Variants in NBPF20 observed in about 807,000 individuals in gnomAD.
The protein encoded by NBPF20 is NBPF member 20, also known as NBPF family member NBPF20.
Under a neutral mutation model 68.1 loss-of-function variants are expected in NBPF20, and 90 were observed. The observed-to-expected ratio is 1.32, with a 90% CI of 1.11 to 1.58. The LOEUF is 1.58. Ranked by LOEUF, NBPF20 falls within the 40% of genes most tolerant of loss-of-function variation. NBPF20 has a pLI of 0.00. For missense variants in NBPF20, 816 were observed against 601.2 expected (o/e 1.36, Z -3.74); for synonymous variants, 290 against 228.1 (o/e 1.27, Z -2.45).
chr1:145,413,170 C>A, the NBPF20 span, among the ~76,000 whole-genome samples: 1 of 151,984 alleles, frequency 6.6e-6, no homozygotes, highest in African/African-American at 2.4e-5. Flanking sequence ...TATAGAGAAG[C>A]CTCTTTGGAA....
the NBPF20 span, among the ~76,000 whole-genome samples, chr1:145,411,423 G>C: frequency 1.7e-4 from 15 of 86,462 alleles, no homozygotes; most frequent in Middle Eastern, 0.01. Flanking sequence ...ACAGAGTCTT[G>C]CTCTGTTACC....
intron 5 of NBPF20, among the ~76,000 whole-genome samples, 174 bp from the exon 11 acceptor site, chr1:145,400,768 C>T (rs1475782129): frequency 1.3e-5 from 2 of 152,124 alleles, no homozygotes; most frequent in Non-Finnish European, 2.9e-5. Context: ...CAGAGCATGG[C>T]TGCCATGGGA....
chr1:145,402,996 GT>G (rs1241115338), intron 3 of NBPF20, among the ~76,000 whole-genome samples: 2 of 151,768 alleles, frequency 1.3e-5, no homozygotes, highest in East Asian at 3.9e-4. Context: ...ACAATTACTT[GT>G]TTGAAAAAGA....
rs782383854 is a variant in NBPF20 at position 145,291,638 on chromosome 1, G to C, written c.16829C>G (p.Ser5610Ter). 3.2e-5 allele frequency: 52 copies of C among 1,611,856 alleles called. 1 individual carries two copies. In the Admixed American group the frequency reaches 6.3e-4, roughly 20 times the overall value. ...GAAGCTGATGTGCTGTTCCTCAAAT[G>C]AGTAAAACACACTTCTGTAGTGCTG... The change falls in exon 138 of 138, where the codon TCA becomes TGA. Residue 5610 changes from serine to a stop codon, truncating the protein, a stop_gained. Coordinates refer to ENST00000369373, the Ensembl canonical transcript of NBPF20. LOFTEE classifies it high-confidence loss of function.
chr1:145,398,269 A>G (rs1193398779), intron 7 of NBPF20, among the ~76,000 whole-genome samples: 7 of 151,598 alleles, frequency 4.6e-5, no homozygotes, highest in Admixed American at 4.6e-4. Context: ...CCAAATCCAC[A>G]GAATATACAT....
chr1:145,423,717 T>C, the NBPF20 span, among the ~76,000 whole-genome samples: 2 of 150,736 alleles, frequency 1.3e-5, no homozygotes, highest in South Asian at 4.2e-4. Flanking sequence ...GAAATCACAC[T>C]GATACATTAC....
chr1:145,397,746 A>C (rs1662327683), intron 7 of NBPF20, among the ~76,000 whole-genome samples: 1 of 152,206 alleles, frequency 6.6e-6, no homozygotes, highest in East Asian at 1.9e-4. Flanking sequence ...ATTAACCTTA[A>C]ATGTAAATGG....
chr1:145,291,960 AAGACAGAGAGAGAG>A (rs1661137991), intron 137 of NBPF20, among the ~76,000 whole-genome samples, 191 bp from the exon 143 acceptor site: 1 of 150,862 alleles, frequency 6.6e-6, no homozygotes, highest in African/African-American at 2.5e-5. Flanking sequence ...ATGAAAGAGA[AAGACAGAGAGAGAG>A]AGACAGAGAC....
chr1:145,422,563 C>T, the NBPF20 span, among the ~76,000 whole-genome samples: 1 of 150,822 alleles, frequency 6.6e-6, no homozygotes, highest in African/African-American at 2.4e-5. Flanking sequence ...GAAACAGACC[C>T]ACACTAATTT....
chr1:145,306,294 C>A (rs1374833172), intron 119 of NBPF20, among the ~76,000 whole-genome samples: 9 of 149,168 alleles, frequency 6.0e-5, no homozygotes, highest in South Asian at 2.2e-4. Context: ...CACACACACA[C>A]ACACAGACAC....
chr1:145,419,310 G>A, the NBPF20 span, among the ~76,000 whole-genome samples: 5 of 152,318 alleles, frequency 3.3e-5, no homozygotes, highest in Admixed American at 2.6e-4. Flanking sequence ...TACACCACCA[G>A]TATTTTCCAT....
intron 137 of NBPF20, 120 bp from the exon 143 acceptor site, chr1:145,291,889 T>G: frequency 1.3e-6 from 2 of 1,580,094 alleles, no homozygotes; most frequent in Non-Finnish European, 8.6e-7. Flanking sequence ...GATCCATTAA[T>G]GAGGTAAAAA....
At chr1:145,338,052 CAG>C (rs1294713901) in intron 79 of NBPF20, among the ~76,000 whole-genome samples, 115 of 78,236 alleles carry the variant, frequency 1.5e-3, no homozygotes, top group Middle Eastern at 7.0e-3. Context: ...CACACACACA[CAG>C]AGAGAGAGAG....
intron 137 of NBPF20, among the ~76,000 whole-genome samples, chr1:145,292,111 T>G (rs1558961463): frequency 6.7e-6 from 1 of 149,640 alleles, no homozygotes; most frequent in Admixed American, 6.6e-5. Flanking sequence ...GTGAGCTCAA[T>G]AGTTTTCCAT....
At chr1:145,409,968 G>A (rs1340641079), upstream of NBPF20, among the ~76,000 whole-genome samples, 13 of 151,934 alleles carry the variant, frequency 8.6e-5, no homozygotes, top group Admixed American at 3.9e-4. Context: ...ACGGAGCCAC[G>A]AGAAACAGCA....
chr1:145,291,405 C>A (rs1438470171), exon 138 of NBPF20: 86 of 1,597,784 alleles, frequency 5.4e-5, no homozygotes, highest in Non-Finnish European at 6.9e-5. Flanking sequence ...AGGAATACAG[C>A]CATGCCCACT....
At chr1:145,293,147 T>C in intron 136 of NBPF20, 57 bp downstream of exon 141, 1 of 26,272 alleles carries the variant, frequency 3.8e-5, no homozygotes, top group Non-Finnish European at 7.1e-5. Flanking sequence ...AGCAGGAATA[T>C]GATCTTTATA....
the NBPF20 span, among the ~76,000 whole-genome samples, chr1:145,422,096 T>G: frequency 1.3e-5 from 2 of 151,412 alleles, no homozygotes; most frequent in Admixed American, 6.6e-5. Context: ...AATACTATTG[T>G]TTACATCATA....
intron 10 of NBPF20, among the ~76,000 whole-genome samples, chr1:145,392,789 A>G (rs1661972745): frequency 1.1e-5 from 1 of 92,624 alleles, no homozygotes; most frequent in Non-Finnish European, 1.9e-5. Flanking sequence ...TTGAGACAAA[A>G]TCAGAGTTGT....
Sources: allele counts gnomAD v4.1 joint callset (sites outside exome capture counted in the v4.1 genomes callset), GRCh38; gene constraint gnomAD v4.1.1; transcripts MANE v1.5; gene names NCBI Gene and HGNC (gene_info 2026-07-23, HGNC 2026-07-21).